SFMBT2: variants seen among roughly 807,000 people sequenced by gnomAD.
The protein encoded by SFMBT2 is scm-like with four MBT domains protein 2.
SFMBT2 carries 38 observed loss-of-function variants against 110.1 expected under a neutral mutation model. The observed-to-expected ratio is 0.35, with a 90% CI of 0.27 to 0.45. SFMBT2 has a LOEUF of 0.45. SFMBT2 is among the 20% of genes least tolerant of loss of function. The pLI is 1.00. For synonymous variants in SFMBT2, 425 were observed against 425.4 expected (o/e 1.00, Z 0.01); for missense variants, 1,011 against 1,094.9 (o/e 0.92, Z 1.08).
At chr10:7,177,453 G>C (rs1025370453) in intron 16 of SFMBT2, among the ~76,000 whole-genome samples, 1 of 152,132 alleles carries the variant, frequency 6.6e-6, no homozygotes, top group Non-Finnish European at 1.5e-5. Context: ...TAAATTCATA[G>C]GTTGAAGCCA....
At chr10:7,296,591 C>T (rs1564426751) in intron 4 of SFMBT2, among the ~76,000 whole-genome samples, 1 of 152,236 alleles carries the variant, frequency 6.6e-6, no homozygotes, top group Non-Finnish European at 1.5e-5. Context: ...AGAAAGTTTA[C>T]ATTAACATGC....
rs763926086 is a variant in SFMBT2 at position 7,276,987 on chromosome 10, T to C, written c.775A>G (p.Ile259Val). Residue 259 changes from isoleucine (I) to valine (V), a missense_variant and splice_region_variant, in exon 7 of 21, where the codon ATC (isoleucine) becomes GTC (valine). By Grantham distance (29) the Ile-to-Val change is conservative. Around this residue, in one of 2 missense-constraint regions of SFMBT2, gnomAD observed 979 missense variants for 1,016.1 expected, o/e 0.96. Coordinates refer to ENST00000397167, the MANE Select transcript of SFMBT2 (RefSeq NM_001387889.1). ...TCAGAGGCCATCTTCAAAGGATAGATTTCTGTATCAACAGCAAATCACAGA... is the reference window on the plus strand; with the variant it reads ...TCAGAGGCCATCTTCAAAGGATAGACTTCTGTATCAACAGCAAATCACAGA... ...NKYRMDPPSE[I>V]YPLKMASEWK... 13 of 871,646 alleles carry C rather than the reference T, an allele frequency of 1.5e-5. No homozygotes were observed. The highest frequency in any genetic ancestry group is 2.4e-5 in the Non-Finnish European group (12 of 500,740). 54.0% of individuals were successfully genotyped at this position (871,646 alleles called of 1,614,324 possible). A position where few individuals can be genotyped will look rare whatever the true frequency, so the allele number is the denominator to read the frequency against.
rs35816107 is a variant in SFMBT2 at position 7,376,727 on chromosome 10, C to CAAAAAAAAAA, written c.100+5062_100+5071dup. ...AAAAAAAAAAAAAAAGGCCCTCCCA[C>CAAAAAAAAAA]AAAAAAAAAAAAAAAAAAAAAAAAA... On this transcript the variant is annotated intron_variant, in intron 2 of 20. Coordinates refer to ENST00000397167, the MANE Select transcript of SFMBT2 (RefSeq NM_001387889.1). 4.2e-4 allele frequency among the ~76,000 whole-genome samples: 19 copies of CAAAAAAAAAA among 44,736 alleles called. 1 individual carries two copies. The highest frequency in any genetic ancestry group is 1.8e-3 in the African/African-American group (18 of 9,810). The allele number at this position is 44,736 out of a possible 152,430, so 29.3% of individuals were successfully genotyped here. A position where few individuals can be genotyped will look rare whatever the true frequency, so the allele number is the denominator to read the frequency against.
rs186813754 is a variant in SFMBT2, at chr10:7,401,210, C to T, written c.-52+9651G>A. ...AGTCTCTCAAGCACGCACCTTTTTA[C>T]GCACTTGGGACCTTAAAAGGCTCCT... On this transcript the variant is annotated intron_variant, in intron 1 of 20. Coordinates refer to ENST00000397167, the MANE Select transcript of SFMBT2 (RefSeq NM_001387889.1). Among the ~76,000 whole-genome samples, 8 of 152,278 alleles carry T rather than the reference C, an allele frequency of 5.3e-5. No individual in the cohort carries two copies. The East Asian group carries it at 7.7e-4, about 15-fold the overall frequency.
chr10:7,188,441 T>G (rs1838490640), intron 16 of SFMBT2, among the ~76,000 whole-genome samples, 183 bp downstream of exon 16: 1 of 152,216 alleles, frequency 6.6e-6, no homozygotes, highest in Non-Finnish European at 1.5e-5. Flanking sequence ...ATCCTAAGGC[T>G]TAAGGCAACG....
chr10:7,360,680 T>A lies in SFMBT2; in HGVS notation c.436+6969A>T, dbSNP rs560943080. ...GTAAATGATAGATATTAAAATTAAA[T>A]ACTGTTTACACCAAAAGTTACAAAC... On this transcript the variant is annotated intron_variant, in intron 4 of 20. Transcript: ENST00000397167. 5.3e-5 allele frequency among the ~76,000 whole-genome samples: 8 copies of A among 152,310 alleles called. No individual in the cohort carries two copies. In the South Asian group the frequency reaches 1.7e-3, roughly 32 times the overall value.
At chr10:7,282,339 A>G (rs1410091019) in intron 6 of SFMBT2, among the ~76,000 whole-genome samples, 1 of 152,246 alleles carries the variant, frequency 6.6e-6, no homozygotes, top group Non-Finnish European at 1.5e-5. Flanking sequence ...CACAGAGAAC[A>G]TAAGAAGCCA....
At position 7,220,400 on chromosome 10, in the gene SFMBT2, C is replaced by T. The variant is rs775729210; in HGVS notation, c.1330+11G>A. On this transcript the variant is annotated intron_variant, in intron 11 of 20. Coordinates refer to ENST00000397167, the MANE Select transcript of SFMBT2 (RefSeq NM_001387889.1). Reference sequence around the variant, plus strand: ...TCCCCCCAGCGACTGCTACCCCCAGCGAGTACGTACCTTCCAGGTGAAGCC... The same window carrying T: ...TCCCCCCAGCGACTGCTACCCCCAGTGAGTACGTACCTTCCAGGTGAAGCC... 1.7e-5 allele frequency: 28 copies of T among 1,611,902 alleles called. No homozygotes were observed. In the South Asian group the frequency reaches 2.0e-4, roughly 11 times the overall value.
intron 12 of SFMBT2, chr10:7,203,729 G>A (rs1038848530): frequency 1.5e-5 from 14 of 951,292 alleles, no homozygotes; most frequent in Non-Finnish European, 1.8e-5. Context: ...TTTTTTTTGT[G>A]AGACAGAGCG....
chr10:7,342,310 C>T (rs867072465), intron 4 of SFMBT2, among the ~76,000 whole-genome samples: 3 of 150,024 alleles, frequency 2.0e-5, no homozygotes, highest in African/African-American at 7.4e-5. Flanking sequence ...AAATTTGACT[C>T]GTAAACTGAA....
chr10:7,247,419 G>A (rs910633986), intron 8 of SFMBT2, among the ~76,000 whole-genome samples: 8 of 152,006 alleles, frequency 5.3e-5, no homozygotes, highest in African/African-American at 4.8e-5. Flanking sequence ...GCCCAGCTCC[G>A]AAAGTTATCC....
At chr10:7,281,837 C>T (rs903770073) in intron 6 of SFMBT2, among the ~76,000 whole-genome samples, 1 of 151,958 alleles carries the variant, frequency 6.6e-6, no homozygotes, top group Non-Finnish European at 1.5e-5. Context: ...AATGTCTTTT[C>T]CAGAATCTTT....
intron 4 of SFMBT2, among the ~76,000 whole-genome samples, chr10:7,321,747 A>T (rs1363286896): frequency 2.0e-5 from 3 of 152,232 alleles, no homozygotes; most frequent in African/African-American, 4.8e-5. Flanking sequence ...GCTTTAAGCT[A>T]TGAACTACTT....
At chr10:7,167,030 A>G (rs1461557552) in intron 20 of SFMBT2, among the ~76,000 whole-genome samples, 1 of 152,246 alleles carries the variant, frequency 6.6e-6, no homozygotes. Context: ...GAAATGAAAT[A>G]TGATAAGATA....
intron 7 of SFMBT2, among the ~76,000 whole-genome samples, chr10:7,251,114 C>G (rs1215859903): frequency 6.6e-6 from 1 of 151,566 alleles, no homozygotes; most frequent in Non-Finnish European, 1.5e-5. Context: ...ATGTATTAAT[C>G]ACATGTACCC....
intron 11 of SFMBT2, among the ~76,000 whole-genome samples, chr10:7,216,610 GC>G (rs1241654468): frequency 6.6e-6 from 1 of 152,050 alleles, no homozygotes; most frequent in Non-Finnish European, 1.5e-5. Context: ...TCCCCTCCTT[GC>G]CAGTGCCCCA....
chr10:7,385,566 C>T (rs1318154098), intron 1 of SFMBT2, among the ~76,000 whole-genome samples: 11 of 152,108 alleles, frequency 7.2e-5, no homozygotes, highest in African/African-American at 1.7e-4. Flanking sequence ...AGGCATATGA[C>T]GGAGCCCCAA....
At chr10:7,177,638 G>C (rs542448761) in intron 16 of SFMBT2, among the ~76,000 whole-genome samples, 53 of 152,312 alleles carry the variant, frequency 3.5e-4, no homozygotes, top group Non-Finnish European at 6.2e-4. Context: ...GCCGAGGCAG[G>C]AGGACTGCTA....
chr10:7,252,743 G>T (rs968671905), intron 7 of SFMBT2, among the ~76,000 whole-genome samples: 5 of 152,098 alleles, frequency 3.3e-5, no homozygotes, highest in African/African-American at 1.2e-4. Flanking sequence ...TTTCTCCCAG[G>T]TTTCAGCTGT....
Sources: allele counts gnomAD v4.1 joint callset (sites outside exome capture counted in the v4.1 genomes callset), GRCh38; gene constraint gnomAD v4.1.1; regional missense constraint gnomAD v4.1.1; transcripts MANE v1.5; gene names NCBI Gene and HGNC (gene_info 2026-07-23, HGNC 2026-07-21).